The following FZD3 variants were observed in gnomAD, a reference collection of about 807,000 sequenced individuals.
FZD3 encodes the protein frizzled-3.
FZD3 carries 30 observed loss-of-function variants against 60.7 expected under a neutral mutation model. The observed-to-expected ratio is 0.49, with a 90% CI of 0.37 to 0.67. The LOEUF (loss-of-function observed/expected upper bound fraction) is 0.67. Among genes scored for constraint, FZD3 ranks in the 30% least tolerant of loss-of-function variants. The pLI, the probability that FZD3 is intolerant of heterozygous loss-of-function variation, is 0.00. For synonymous variants in FZD3, 246 were observed against 275.2 expected, an observed-to-expected ratio of 0.89 and a Z score of 1.05; for missense variants, 605 against 838.7, an observed-to-expected ratio of 0.72 and a Z score of 3.44.
chr8:28,498,674 T>C (rs1803910400), intron 1 of FZD3, among the ~76,000 whole-genome samples: 1 of 152,196 alleles, frequency 6.6e-6, no homozygotes, highest in African/African-American at 2.4e-5. Context: ...ACCTCTCATG[T>C]TGAAGCAATT....
intron 4 of FZD3, among the ~76,000 whole-genome samples, chr8:28,525,473 A>G (rs935719869): frequency 1.3e-5 from 2 of 152,214 alleles, no homozygotes; most frequent in Non-Finnish European, 2.9e-5. Context: ...CTGGGGGCAG[A>G]GCGGGCCAGG....
chr8:28,555,961 C>T lies in FZD3; in HGVS notation c.1777C>T (p.Arg593Cys), dbSNP rs1229261782. Reference sequence around the variant, plus strand: ...CTACCACGGCAGCCTCCACAGATCACGTGATGGCAGGTGAGTTTTGTTAGT... The same window carrying T: ...CTACCACGGCAGCCTCCACAGATCATGTGATGGCAGGTGAGTTTTGTTAGT... ...SSYHGSLHRS[R>C]DGRYTPCSYR... The change falls in exon 7 of 8, where the codon CGT (arginine) becomes TGT (cysteine). Residue 593 changes from arginine to cysteine, a missense_variant. Coordinates refer to ENST00000240093, the MANE Select transcript of FZD3 (RefSeq NM_017412.4). 3.7e-6 allele frequency: 6 copies of T among 1,601,342 alleles called. No homozygotes were observed. The highest frequency in any genetic ancestry group is 2.2e-5 in the East Asian group (1 of 44,816).
chr8:28,503,570 C>T (rs1259582247), intron 3 of FZD3, among the ~76,000 whole-genome samples: 1 of 152,070 alleles, frequency 6.6e-6, no homozygotes, highest in East Asian at 1.9e-4. Context: ...AGTTTGCTGC[C>T]TTATTTGAAT....
At chr8:28,512,472 T>A (rs1212723147) in intron 3 of FZD3, among the ~76,000 whole-genome samples, 1 of 152,036 alleles carries the variant, frequency 6.6e-6, no homozygotes, top group Non-Finnish European at 1.5e-5. Flanking sequence ...TAGTAGTTTG[T>A]GTTTTCTGTT....
intron 7 of FZD3, among the ~76,000 whole-genome samples, chr8:28,556,425 A>G (rs1310282970): frequency 6.6e-6 from 1 of 152,206 alleles, no homozygotes. Flanking sequence ...TAAAATGAAA[A>G]TAGTATTAAT....
rs769628962 is a variant in FZD3, at chr8:28,527,260, G to A, written c.500G>A (p.Arg167Gln). 3.4e-5 allele frequency: 55 copies of A among 1,613,846 alleles called. No homozygotes were observed. The highest frequency in any genetic ancestry group is 1.6e-4 in the Middle Eastern group (1 of 6,084). Residue 167 changes from arginine to glutamine, a missense_variant, in exon 5 of 8, where the codon CGA becomes CAA. Physicochemically the swap from Arg to Gln is conservative, Grantham distance 43 (BLOSUM62 1). Transcript: ENST00000240093. This position sits in a 1 kb window ranked among gnomAD's most constrained non-coding sequence, Gnocchi z 5.0. ...AGAGACTATGGTTTTTGGTGTCCCCGAGAGTTAAAAATTGATCCTGATCTG... is the reference window on the plus strand; with the variant it reads ...AGAGACTATGGTTTTTGGTGTCCCCAAGAGTTAAAAATTGATCCTGATCTG... ...VQRDYGFWCPRELKIDPDLGY... is the reference protein window; with the variant it reads ...VQRDYGFWCPQELKIDPDLGY...
chr8:28,533,175 C>G (rs1013160774), intron 5 of FZD3, among the ~76,000 whole-genome samples: 7 of 151,728 alleles, frequency 4.6e-5, no homozygotes, highest in Non-Finnish European at 8.8e-5. Flanking sequence ...TTTTTTCCCC[C>G]CATGATCAAT....
intron 3 of FZD3, among the ~76,000 whole-genome samples, chr8:28,519,021 CATAG>C (rs1232260001): frequency 3.3e-5 from 5 of 152,220 alleles, no homozygotes; most frequent in South Asian, 4.2e-4. Flanking sequence ...AAGTGAAAGT[CATAG>C]ATAGTTTATT....
intron 3 of FZD3, among the ~76,000 whole-genome samples, chr8:28,520,239 A>AAG (rs1585963897): frequency 1.4e-5 from 2 of 140,592 alleles, no homozygotes; most frequent in East Asian, 4.2e-4. Context: ...AAAAAAAGGA[A>AAG]GAAAGAAAGA....
In FZD3 at chr8:28,571,857, TA is replaced by T. The variant is rs1805812069; in HGVS notation, c.*8847del. 1 of 152,178 alleles carries T rather than the reference TA, an allele frequency of 6.6e-6. No individual in the cohort carries two copies. The highest frequency in any genetic ancestry group is 1.5e-5 in the Non-Finnish European group (1 of 68,010). The allele number at this position is 152,178 out of a possible 1,614,324, so 9.4% of individuals were successfully genotyped here. A position where few individuals can be genotyped will look rare whatever the true frequency, so the allele number is the denominator to read the frequency against. On this transcript the variant is annotated 3_prime_UTR_variant, in exon 8 of 8. Coordinates refer to ENST00000240093, the MANE Select transcript of FZD3 (RefSeq NM_017412.4). ...TAAATTATCTTATCTTGTTATTTAA[TA>T]GAACAATGGAAGCTGTTTCGTCAAA...
intron 5 of FZD3, among the ~76,000 whole-genome samples, chr8:28,548,476 A>G (rs1401719178): frequency 6.6e-6 from 1 of 151,854 alleles, no homozygotes; most frequent in Non-Finnish European, 1.5e-5. Context: ...TGAATTTTTG[A>G]TCTTTTAGAA....
At chr8:28,519,798 C>T (rs1365714607) in intron 3 of FZD3, among the ~76,000 whole-genome samples, 1 of 151,598 alleles carries the variant, frequency 6.6e-6, no homozygotes, top group Non-Finnish European at 1.5e-5. Context: ...CCCTCAATGC[C>T]TAAATTACTA....
chr8:28,560,157 T>C (rs1026456388), intron 7 of FZD3, among the ~76,000 whole-genome samples: 1 of 152,160 alleles, frequency 6.6e-6, no homozygotes, highest in African/African-American at 2.4e-5. Context: ...TGATAGCAAA[T>C]AGTATGGACA....
At chr8:28,499,235 T>C (rs1803926739) in intron 1 of FZD3, among the ~76,000 whole-genome samples, 1 of 152,236 alleles carries the variant, frequency 6.6e-6, no homozygotes, top group Non-Finnish European at 1.5e-5. Context: ...CATGTACATA[T>C]ATATTTTCTG....
chr8:28,527,603 T>C lies in FZD3; in HGVS notation c.843T>C (p.Ser281=). ...QYKASTVTQG[S]HNKACTMLFM... is the part of the protein sequence containing the mutation. Reference sequence around the variant, plus strand: ...AGGCTTCCACAGTGACACAAGGATCTCATAATAAAGCCTGTACCATGCTTT... The same window carrying C: ...AGGCTTCCACAGTGACACAAGGATCCCATAATAAAGCCTGTACCATGCTTT... The change falls in exon 5 of 8, where the codon TCT becomes TCC. Residue 281 remains serine, a synonymous_variant. Coordinates refer to ENST00000240093, the MANE Select transcript of FZD3 (RefSeq NM_017412.4). The surrounding 1 kb of genome is among the most constrained non-coding windows in gnomAD (Gnocchi z 5.0). 1 of 1,613,960 alleles carries C rather than the reference T, an allele frequency of 6.2e-7. No individual in the cohort carries two copies. The highest frequency in any genetic ancestry group is 8.5e-7 in the Non-Finnish European group (1 of 1,179,844).
At position 28,568,253 on chromosome 8, in the gene FZD3, T is replaced by A. The variant is rs1805739731; in HGVS notation, c.*5242T>A. 1 of 152,208 alleles carries A rather than the reference T, an allele frequency of 6.6e-6. No homozygotes were observed. Among genetic ancestry groups the A allele is most frequent in the Non-Finnish European group, 1.5e-5 (1 of 67,998 alleles). 9.4% of individuals were successfully genotyped at this position (152,208 alleles called of 1,614,324 possible). The stretch of plus-strand genomic sequence containing the variant: ...AAAATGTTTACATTTAATTCAGCTG[T>A]ATTTCCTAGTAGCTGTATAATCTTA... On this transcript the variant is annotated 3_prime_UTR_variant, in exon 8 of 8. Transcript: ENST00000240093.
At chr8:28,546,079 T>C (rs1160400894) in intron 5 of FZD3, among the ~76,000 whole-genome samples, 6 of 152,238 alleles carry the variant, frequency 3.9e-5, no homozygotes, top group South Asian at 4.1e-4. Context: ...CCTAGGTGTG[T>C]AGTGGGCTAT....
At chr8:28,536,093 C>A (rs1390159986) in intron 5 of FZD3, among the ~76,000 whole-genome samples, 1 of 152,168 alleles carries the variant, frequency 6.6e-6, no homozygotes, top group Non-Finnish European at 1.5e-5. Flanking sequence ...GAGTGCTTTG[C>A]ACAAAGTAAA....
Position 28,555,815 on chromosome 8 carries a change from T to A in FZD3, c.1631T>A (p.Ile544Asn). 6.2e-7 allele frequency: 1 copy of A among 1,613,782 alleles called. No homozygotes were observed. Among genetic ancestry groups the A allele is most frequent in the African/African-American group, 1.3e-5 (1 of 75,016 alleles). The change falls in exon 7 of 8, where the codon ATC (isoleucine) becomes AAC (asparagine). Residue 544 changes from isoleucine (I) to asparagine (N), a missense_variant. Physicochemically the swap from Ile to Asn is moderately radical, Grantham distance 149. Transcript: ENST00000240093. ...CTCCTGAGGGATCCAAATACTCCTA[T>A]CATAAGAAAGTCAAGGGGAACTTCC... ...QSLLRDPNTPIIRKSRGTSTQ... is the reference protein window; with the variant it reads ...QSLLRDPNTPNIRKSRGTSTQ...
Sources: gnomAD v4.1 joint callset for allele counts (sites outside exome capture counted in the v4.1 genomes callset) on GRCh38, gnomAD v4.1.1 for gene constraint, Gnocchi (gnomAD v3.1) non-coding constraint, MANE v1.5 for transcripts, NCBI Gene and HGNC (gene_info 2026-07-23, HGNC 2026-07-21) for gene names.